Variants in RGMA observed in about 807,000 individuals in gnomAD.
RGMA encodes repulsive guidance molecule A.
Under a neutral mutation model 23.2 loss-of-function variants are expected in RGMA, and 10 were observed. The ratio of observed to expected loss-of-function variants is 0.43; its 90% CI spans 0.27 to 0.73. The LOEUF (loss-of-function observed/expected upper bound fraction) is 0.73, where lower values mean the gene tolerates loss of function less well. RGMA is among the 30% of genes least tolerant of loss of function. RGMA has a pLI of 0.20. For missense variants in RGMA, 547 were observed against 630.5 expected (o/e 0.87, Z 1.42); for synonymous variants, 308 against 279.3 (o/e 1.10, Z -1.03).
At chr15:93,063,453 T>C (rs1264468864) in intron 2 of RGMA, among the ~76,000 whole-genome samples, 1 of 152,198 alleles carries the variant, frequency 6.6e-6, no homozygotes, top group East Asian at 1.9e-4. Context: ...TGGCAAACTC[T>C]GGCCAGAGCA....
intron 1 of RGMA, among the ~76,000 whole-genome samples, chr15:93,080,196 G>A (rs1895536431): frequency 6.6e-6 from 1 of 151,970 alleles, no homozygotes; most frequent in Non-Finnish European, 1.5e-5. Context: ...AATTTTAATG[G>A]GTTTTTAATT....
At chr15:93,084,616 T>C (rs1477116956) in intron 1 of RGMA, among the ~76,000 whole-genome samples, 1 of 151,956 alleles carries the variant, frequency 6.6e-6, no homozygotes, top group Non-Finnish European at 1.5e-5. Flanking sequence ...GGGACTACAG[T>C]CATGTGCCGC....
In RGMA at chr15:93,052,127, G is replaced by T. The variant is rs1353460540; in HGVS notation, c.511C>A (p.Leu171Ile). The change falls in exon 3 of 4, where the codon CTC (leucine) becomes ATC (isoleucine). Residue 171 changes from leucine (L) to isoleucine (I), a missense_variant. This residue lies in a region of RGMA where 128 missense variants were observed against 191.7 expected (regional missense o/e 0.67). Transcript: ENST00000329082. ...THCGLFGDPH[L>I]RTFTDRFQTC... is the part of the protein sequence containing the mutation. ...TGGAAGCGGTCGGTGAAAGTCCTGA[G>T]GTGTGGGTCCCCGAAGAGGCCACAG... The T allele has an allele frequency of 5.0e-6, 8 of 1,613,852 alleles. No homozygotes were observed. The Admixed American group carries it at 1.3e-4, about 27-fold the overall frequency.
At chr15:93,062,654 T>A (rs539164175) in intron 2 of RGMA, 1 of 152,314 alleles carries the variant, frequency 6.6e-6, no homozygotes, top group East Asian at 1.9e-4. Context: ...GGGTTCCCTG[T>A]TAAATTTCCC....
At chr15:93,048,474 A>G (rs1391565807) in intron 3 of RGMA, among the ~76,000 whole-genome samples, 1 of 152,242 alleles carries the variant, frequency 6.6e-6, no homozygotes, top group Middle Eastern at 3.4e-3. Context: ...GCGGGAGTCC[A>G]TGCAGCAGCA....
intron 2 of RGMA, among the ~76,000 whole-genome samples, chr15:93,072,126 A>C (rs191967231): frequency 1.3e-5 from 2 of 151,974 alleles, no homozygotes; most frequent in African/African-American, 4.8e-5. Flanking sequence ...AAAGGAAAAA[A>C]AGTAAAGAAA....
intron 2 of RGMA, among the ~76,000 whole-genome samples, chr15:93,064,168 T>C (rs1001088942): frequency 1.3e-5 from 2 of 151,878 alleles, no homozygotes; most frequent in Admixed American, 1.3e-4. Context: ...GCAGCTTCAG[T>C]GGGGGGGCTG....
chr15:93,065,672 G>A (rs1450977597), intron 2 of RGMA: 5 of 1,096,676 alleles, frequency 4.6e-6, no homozygotes, highest in Non-Finnish European at 6.8e-6. Context: ...GGGGCCTGCT[G>A]CCCTCTCTGC....
chr15:93,042,422 ACTC>A lies in RGMA; in HGVS notation c.*2573_*2575del, dbSNP rs1388778170. On this transcript the variant is annotated 3_prime_UTR_variant, in exon 4 of 4. Coordinates refer to ENST00000329082, the MANE Select transcript of RGMA (RefSeq NM_020211.3). ...TCTCCTAAGCAATTTACAGGAATGA[ACTC>A]CTGACTCTCCAAACAACTGTATGGG... 6.6e-6 allele frequency: 1 copy of A among 152,116 alleles called. No homozygotes were observed. The highest frequency in any genetic ancestry group is 2.4e-5 in the African/African-American group (1 of 41,364). The allele number at this position is 152,116 out of a possible 1,614,324, so 9.4% of individuals were successfully genotyped here.
chr15:93,080,405 C>T (rs1003960169), intron 1 of RGMA, among the ~76,000 whole-genome samples: 4 of 152,038 alleles, frequency 2.6e-5, no homozygotes, highest in Non-Finnish European at 5.9e-5. Flanking sequence ...GTTTTTGGCA[C>T]ATTCACCCAA....
intron 2 of RGMA, among the ~76,000 whole-genome samples, chr15:93,060,543 G>C (rs1166779197): frequency 1.3e-5 from 2 of 152,200 alleles, no homozygotes; most frequent in Non-Finnish European, 2.9e-5. Context: ...ACCCGATGGG[G>C]GCGGGGTGGG....
At chr15:93,069,302 G>T (rs1895251186) in intron 2 of RGMA, among the ~76,000 whole-genome samples, 1 of 152,168 alleles carries the variant, frequency 6.6e-6, no homozygotes, top group Non-Finnish European at 1.5e-5. Context: ...TAGAAACGGG[G>T]TTTCGCTATG....
At chr15:93,057,440 C>G (rs2055032471) in intron 2 of RGMA, among the ~76,000 whole-genome samples, 3 of 152,128 alleles carry the variant, frequency 2.0e-5, no homozygotes, top group Admixed American at 2.0e-4. Flanking sequence ...CTCCTTCTGC[C>G]ACGTGAGGAT....
In RGMA at chr15:93,045,693, A is replaced by T; in HGVS notation, c.658T>A (p.Phe220Ile). ...TCCACACACTCCTGGAAGTTCTTGA[A>T]GATGATGGTGAGCTGCCGGGGAAAG... ...ATATSKLTIIFKNFQECVDQK... is the reference protein window; with the variant it reads ...ATATSKLTIIIKNFQECVDQK... The change falls in exon 4 of 4, where the codon TTC (phenylalanine) becomes ATC (isoleucine). Residue 220 changes from phenylalanine to isoleucine, a missense_variant. Phe to Ile is a conservative substitution (Grantham distance 21). Transcript: ENST00000329082. This position sits in a 1 kb window ranked among gnomAD's most constrained non-coding sequence, Gnocchi z 6.9. The T allele has an allele frequency of 6.2e-7, 1 of 1,603,230 alleles. No homozygotes were observed. Among genetic ancestry groups the T allele is most frequent in the East Asian group, 2.2e-5 (1 of 44,858 alleles).
chr15:93,045,577 G>A lies in RGMA; in HGVS notation c.774C>T (p.Ser258=), dbSNP rs779409378. Residue 258 remains serine (S), a synonymous_variant, in exon 4 of 4, where the codon AGC becomes AGT. Coordinates refer to ENST00000329082, the MANE Select transcript of RGMA (RefSeq NM_020211.3). The surrounding 1 kb of genome is among the most constrained non-coding windows in gnomAD (Gnocchi z 6.9). ...KNGGDKHGAN[S]LKITEKVSGQ... ...CTGACACCTTCTCAGTGATCTTCAG[G>A]CTGTTGGCCCCGTGCTTGTCCCCAC... The A allele has an allele frequency of 1.2e-6, 2 of 1,613,188 alleles. No individual in the cohort carries two copies. Among genetic ancestry groups the A allele is most frequent in the South Asian group, 1.1e-5 (1 of 91,090 alleles).
Position 93,044,919 on chromosome 15 carries a change from T to C in RGMA, c.*79A>G, listed in dbSNP as rs2141789765. ...GCCATGGTGGACACGCCAGGAGATC[T>C]GCACCCCGTGGGCGGTCCCAGCCCA... On this transcript the variant is annotated 3_prime_UTR_variant, in exon 4 of 4. Coordinates refer to ENST00000329082, the MANE Select transcript of RGMA (RefSeq NM_020211.3). The C allele has an allele frequency of 3.2e-6, 4 of 1,234,762 alleles. No homozygotes were observed. Among genetic ancestry groups the C allele is most frequent in the Non-Finnish European group, 4.5e-6 (4 of 889,854 alleles). 76.5% of individuals were successfully genotyped at this position (1,234,762 alleles called of 1,614,324 possible).
At chr15:93,081,514 C>T (rs756890364) in intron 1 of RGMA, among the ~76,000 whole-genome samples, 4 of 152,204 alleles carry the variant, frequency 2.6e-5, no homozygotes, top group Non-Finnish European at 4.4e-5. Context: ...TATGCATACA[C>T]AAGACACACC....
intron 1 of RGMA, among the ~76,000 whole-genome samples, chr15:93,081,949 T>C (rs921826216): frequency 2.0e-5 from 3 of 152,248 alleles, no homozygotes; most frequent in Admixed American, 2.0e-4. Flanking sequence ...TTCACTTTTA[T>C]ATTACAGAGG....
chr15:93,084,126 T>C (rs776588712), intron 1 of RGMA, among the ~76,000 whole-genome samples: 1 of 152,216 alleles, frequency 6.6e-6, no homozygotes, highest in Non-Finnish European at 1.5e-5. Context: ...GGCATTTTTG[T>C]GTGCTCTGAC....
Sources: gnomAD v4.1 joint callset for allele counts (sites outside exome capture counted in the v4.1 genomes callset) on GRCh38, gnomAD v4.1.1 for gene constraint, gnomAD v4.1.1 regional missense constraint, Gnocchi (gnomAD v3.1) non-coding constraint, MANE v1.5 for transcripts, NCBI Gene and HGNC (gene_info 2026-07-23, HGNC 2026-07-21) for gene names.